The following SLMAP variants were observed in gnomAD, a reference collection of about 807,000 sequenced individuals.
SLMAP encodes sarcolemma associated protein.
SLMAP carries 44 observed loss-of-function variants against 128.8 expected under a neutral mutation model. The observed-to-expected ratio is 0.34, with a 90% confidence interval of 0.27 to 0.44. SLMAP has a LOEUF of 0.44. Among genes scored for constraint, SLMAP ranks in the 20% least tolerant of loss-of-function variants. The pLI is 1.00. For synonymous variants in SLMAP, 327 were observed against 348.8 expected (o/e 0.94, Z 0.70); for missense variants, 787 against 985.3 (o/e 0.80, Z 2.69).
At chr3:57,923,790 C>T (rs2096956548) in intron 23 of SLMAP, among the ~76,000 whole-genome samples, 1 of 152,134 alleles carries the variant, frequency 6.6e-6, no homozygotes, top group African/African-American at 2.4e-5. Context: ...CCTTGCAGCA[C>T]AAGTACAAAA....
intron 15 of SLMAP, chr3:57,890,975 C>T (rs773182984): frequency 3.9e-5 from 6 of 151,942 alleles, no homozygotes; most frequent in Admixed American, 6.6e-5. Flanking sequence ...ATTTTGTGCA[C>T]GGCAGATGCC....
intron 2 of SLMAP, among the ~76,000 whole-genome samples, chr3:57,806,304 G>A (rs2089846266): frequency 6.6e-6 from 1 of 152,000 alleles, no homozygotes; most frequent in Non-Finnish European, 1.5e-5. Context: ...GAGAACATGC[G>A]GTGTTTGGTT....
At chr3:57,855,993 A>G (rs1388077074) in intron 6 of SLMAP, among the ~76,000 whole-genome samples, 1 of 152,012 alleles carries the variant, frequency 6.6e-6, no homozygotes, top group Non-Finnish European at 1.5e-5. Context: ...CAGTGAGCCA[A>G]GATCGCGCCA....
chr3:57,758,449 T>G (rs908714390), intron 2 of SLMAP, among the ~76,000 whole-genome samples: 1 of 152,002 alleles, frequency 6.6e-6, no homozygotes, highest in East Asian at 1.9e-4. Flanking sequence ...ATTTTCAGAG[T>G]TTTTTTTACA....
intron 16 of SLMAP, 78 bp downstream of exon 16, chr3:57,896,669 TTC>T: frequency 7.8e-7 from 1 of 1,285,520 alleles, no homozygotes; most frequent in Non-Finnish European, 1.1e-6. Flanking sequence ...GAGTGGAGAT[TTC>T]AAAGTATGTG....
intron 24 of SLMAP, 198 bp downstream of exon 24, chr3:57,926,132 T>C: frequency 1.7e-6 from 1 of 574,638 alleles, no homozygotes; most frequent in Non-Finnish European, 3.1e-6. Context: ...TTGTTTACTT[T>C]GTAGTAATGC....
intron 2 of SLMAP, among the ~76,000 whole-genome samples, chr3:57,783,756 C>G (rs1576429467): frequency 6.6e-6 from 1 of 152,104 alleles, no homozygotes; most frequent in African/African-American, 2.4e-5. Flanking sequence ...GACTCTGAAG[C>G]CATTTCAGAG....
intron 2 of SLMAP, among the ~76,000 whole-genome samples, chr3:57,774,726 A>G (rs1038432453): frequency 3.3e-5 from 5 of 151,774 alleles, no homozygotes; most frequent in Admixed American, 6.6e-5. Context: ...GGCTTTCATC[A>G]TGTTGGCCAG....
chr3:57,814,323 T>G (rs1242187557), intron 2 of SLMAP, among the ~76,000 whole-genome samples: 3 of 151,978 alleles, frequency 2.0e-5, no homozygotes, highest in Non-Finnish European at 4.4e-5. Context: ...TGATTTTTTG[T>G]AGAGACAGGG....
At chr3:57,876,943 C>G (rs2095617479) in intron 14 of SLMAP, among the ~76,000 whole-genome samples, 1 of 152,038 alleles carries the variant, frequency 6.6e-6, no homozygotes, top group South Asian at 2.1e-4. Flanking sequence ...TTCCTGAGGT[C>G]TACTTTGTAG....
chr3:57,911,959 A>G (rs1035620418), intron 19 of SLMAP, among the ~76,000 whole-genome samples: 1 of 148,480 alleles, frequency 6.7e-6, no homozygotes, highest in East Asian at 2.0e-4. Flanking sequence ...AGGATTGTAT[A>G]TAGTGTTTAA....
chr3:57,785,373 T>C (rs569639960), intron 2 of SLMAP, among the ~76,000 whole-genome samples: 2 of 152,308 alleles, frequency 1.3e-5, no homozygotes, highest in East Asian at 3.9e-4. Flanking sequence ...TTTCCTGTCA[T>C]CTTAAATAGA....
chr3:57,856,097 A>G (rs972678914), intron 6 of SLMAP, among the ~76,000 whole-genome samples: 2 of 151,882 alleles, frequency 1.3e-5, no homozygotes, highest in Non-Finnish European at 2.9e-5. Context: ...TCTGCCTCCT[A>G]GCTATTTGGA....
intron 22 of SLMAP, among the ~76,000 whole-genome samples, chr3:57,919,167 G>A (rs765465658): frequency 6.6e-6 from 1 of 152,186 alleles, no homozygotes; most frequent in Non-Finnish European, 1.5e-5. Context: ...GCTCACCTGA[G>A]GTCAGGAGTT....
chr3:57,819,676 C>CT (rs1333862748), intron 2 of SLMAP, among the ~76,000 whole-genome samples: 1 of 152,240 alleles, frequency 6.6e-6, no homozygotes, highest in South Asian at 2.1e-4. Context: ...TGACCTTGTT[C>CT]TTTTTTTCCC....
intron 4 of SLMAP, among the ~76,000 whole-genome samples, chr3:57,843,175 T>C (rs1367311927): frequency 6.6e-6 from 1 of 152,104 alleles, no homozygotes; most frequent in Non-Finnish European, 1.5e-5. Flanking sequence ...GTACATAGCA[T>C]TTATTGCTTT....
intron 6 of SLMAP, among the ~76,000 whole-genome samples, chr3:57,854,247 A>G (rs546218845): frequency 9.9e-5 from 15 of 151,518 alleles, no homozygotes; most frequent in Non-Finnish European, 2.1e-4. Flanking sequence ...AGTCAGAGAG[A>G]ATCAGAACAC....
chr3:57,758,875 T>C (rs140539178), intron 2 of SLMAP, among the ~76,000 whole-genome samples: 2 of 152,348 alleles, frequency 1.3e-5, no homozygotes, highest in South Asian at 2.1e-4. Context: ...CTTTAAGTTA[T>C]GTAAGACTAA....
At chr3:57,838,381 G>A (rs1447076498) in intron 3 of SLMAP, among the ~76,000 whole-genome samples, 1 of 152,156 alleles carries the variant, frequency 6.6e-6, no homozygotes, top group Non-Finnish European at 1.5e-5. Context: ...GAACCCTAAT[G>A]TCTTAAAAGT....
Sources: allele counts gnomAD v4.1 joint callset (sites outside exome capture counted in the v4.1 genomes callset), GRCh38; gene constraint gnomAD v4.1.1; transcripts MANE v1.5; gene names NCBI Gene and HGNC (gene_info 2026-07-23, HGNC 2026-07-21).